Variants in PHACTR1 observed in about 807,000 individuals in gnomAD.
PHACTR1 encodes RPEL repeat containing 1.
PHACTR1 carries 16 observed loss-of-function variants against 69.2 expected under a neutral mutation model. The observed-to-expected ratio is 0.23, with a 90% CI of 0.16 to 0.35. PHACTR1 has a LOEUF of 0.35. Among genes scored for constraint, PHACTR1 ranks in the 10% least tolerant of loss-of-function variants. The pLI, the probability that PHACTR1 is intolerant of heterozygous loss-of-function variation, is 1.00. For synonymous variants in PHACTR1, 312 were observed against 284.5 expected, an observed-to-expected ratio of 1.10 and a Z score of -0.97; for missense variants, 510 against 734.7, an observed-to-expected ratio of 0.69 and a Z score of 3.54.
rs368542461 is a variant in PHACTR1, at chr6:13,212,702, CCATTCTCGCA to C, written c.986+6575_986+6584del. 3.3e-3 allele frequency among the ~76,000 whole-genome samples: 496 copies of C among 152,268 alleles called. 2 individuals are homozygous for C. The highest frequency in any genetic ancestry group is 0.011 in the African/African-American group (464 of 41,554). ...CCTCCCTCACACAGCGGCCTTCCCA[CCATTCTCGCA>C]CATTCTCGGACATTCTCGGACGTGC... On this transcript the variant is annotated intron_variant, in intron 8 of 14. Coordinates refer to ENST00000332995, the MANE Select transcript of PHACTR1 (RefSeq NM_030948.6).
intron 5 of PHACTR1, among the ~76,000 whole-genome samples, chr6:13,120,482 T>C (rs1014443381): frequency 9.3e-4 from 141 of 152,314 alleles, no homozygotes; most frequent in African/African-American, 3.3e-3. Context: ...AGCACGCTGC[T>C]GGCCACTTCT....
At chr6:12,856,032 T>C (rs1023886957) in intron 4 of PHACTR1, among the ~76,000 whole-genome samples, 1 of 152,056 alleles carries the variant, frequency 6.6e-6, no homozygotes, top group South Asian at 2.1e-4. Context: ...TGGAAGAAGA[T>C]TGTGACTAAA....
At chr6:12,755,278 G>A (rs1243095232) in intron 4 of PHACTR1, among the ~76,000 whole-genome samples, 1 of 152,190 alleles carries the variant, frequency 6.6e-6, no homozygotes, top group Non-Finnish European at 1.5e-5. Context: ...AGAGTCAGAA[G>A]AATTTGATTC....
intron 8 of PHACTR1, among the ~76,000 whole-genome samples, chr6:13,225,385 GT>G (rs1328617220): frequency 2.6e-5 from 4 of 152,202 alleles, no homozygotes; most frequent in Non-Finnish European, 4.4e-5. Flanking sequence ...CCAACAGGCA[GT>G]CATTGGCCAC....
chr6:13,109,842 G>A (rs1334582167), intron 5 of PHACTR1, among the ~76,000 whole-genome samples: 1 of 145,708 alleles, frequency 6.9e-6, no homozygotes, highest in East Asian at 2.0e-4. Context: ...GCGTGTGTGT[G>A]TGTGTGTGTG....
rs1454222005 is a variant in PHACTR1, at chr6:13,194,414, A to AG, written c.665-11401_665-11400insG. On this transcript the variant is annotated intron_variant, in intron 7 of 14. Coordinates refer to ENST00000332995, the MANE Select transcript of PHACTR1 (RefSeq NM_030948.6). ...AAGACTCCGTCTCAAAAAAAAAAAA[A>AG]AAAGAAAGAAAGGAAAAAGAAAAGA... Among the ~76,000 whole-genome samples, 11 of 149,264 alleles carry AG rather than the reference A, an allele frequency of 7.4e-5. No homozygotes were observed. In the East Asian group the frequency reaches 8.1e-4, roughly 11 times the overall value.
chr6:13,120,854 G>A (rs984558413), intron 5 of PHACTR1, among the ~76,000 whole-genome samples: 1 of 152,214 alleles, frequency 6.6e-6, no homozygotes, highest in Admixed American at 6.5e-5. Context: ...CTTTTACCCA[G>A]CATTGCAGTG....
intron 7 of PHACTR1, among the ~76,000 whole-genome samples, chr6:13,188,160 T>C (rs902718168): frequency 1.3e-5 from 2 of 152,208 alleles, no homozygotes; most frequent in African/African-American, 4.8e-5. Context: ...CTAATATCCT[T>C]ACTATGTAGT....
In PHACTR1 at chr6:12,918,723, G is replaced by A. The variant is rs1271654020; in HGVS notation, c.251-134642G>A. Among the ~76,000 whole-genome samples, 8 of 152,198 alleles carry A rather than the reference G, an allele frequency of 5.3e-5. No homozygotes were observed. The East Asian group carries it at 9.6e-4, about 18-fold the overall frequency. ...ACTAGCCAGTGCCTAAAACCATTGCGACACATTATAAATCTAAAGATAGAA... is the reference window on the plus strand; with the variant it reads ...ACTAGCCAGTGCCTAAAACCATTGCAACACATTATAAATCTAAAGATAGAA... On this transcript the variant is annotated intron_variant, in intron 4 of 14. Transcript: ENST00000332995.
intron 4 of PHACTR1, among the ~76,000 whole-genome samples, chr6:12,775,265 C>CA (rs143600396): frequency 0.079 from 12,024 of 152,262 alleles, 550 homozygotes; most frequent in Admixed American, 0.11. Flanking sequence ...GTTCTACTCT[C>CA]AAAAATACCC....
chr6:13,237,014 T>C (rs906382505), intron 10 of PHACTR1, among the ~76,000 whole-genome samples: 3 of 152,172 alleles, frequency 2.0e-5, no homozygotes, highest in Non-Finnish European at 2.9e-5. Flanking sequence ...TTTGCAAAAA[T>C]GAAGGACTAG....
intron 3 of PHACTR1, among the ~76,000 whole-genome samples, chr6:12,721,239 A>G (rs1312980999): frequency 6.6e-6 from 1 of 152,076 alleles, no homozygotes; most frequent in Non-Finnish European, 1.5e-5. Flanking sequence ...TACAAAAATT[A>G]GCCAGGCGCA....
At chr6:12,778,539 C>A (rs936267615) in intron 4 of PHACTR1, among the ~76,000 whole-genome samples, 7 of 152,176 alleles carry the variant, frequency 4.6e-5, no homozygotes, top group Non-Finnish European at 8.8e-5. Context: ...CTTGCCTGTA[C>A]TACTTGTTGC....
chr6:12,822,125 A>C (rs1264803872), intron 4 of PHACTR1, among the ~76,000 whole-genome samples: 1 of 152,156 alleles, frequency 6.6e-6, no homozygotes, highest in African/African-American at 2.4e-5. Flanking sequence ...ACAGGTCTGG[A>C]AATATAAGGG....
chr6:13,080,065 T>C (rs1811132638), intron 5 of PHACTR1, among the ~76,000 whole-genome samples: 2 of 152,096 alleles, frequency 1.3e-5, no homozygotes, highest in Non-Finnish European at 2.9e-5. Flanking sequence ...AATTCACCCA[T>C]ACCCAGTTTT....
At chr6:13,087,520 A>T (rs534076210) in intron 5 of PHACTR1, among the ~76,000 whole-genome samples, 6 of 152,282 alleles carry the variant, frequency 3.9e-5, no homozygotes, top group Non-Finnish European at 7.4e-5. Context: ...ATTTATTAAT[A>T]TAACTTACTG....
rs1401675261 is a variant in PHACTR1, at chr6:13,132,732, A to T, written c.416-27472A>T. ...TAATTTAAAAATACCGTATTGCTAA[A>T]AAAAAAAAAAAAGTGAATGATCATC... On this transcript the variant is annotated intron_variant, in intron 5 of 14. Coordinates refer to ENST00000332995, the MANE Select transcript of PHACTR1 (RefSeq NM_030948.6). Among the ~76,000 whole-genome samples the T allele has an allele frequency of 1.5e-3, 229 of 148,854 alleles. 2 individuals carry two copies. The highest frequency in any genetic ancestry group is 9.4e-4 in the Admixed American group (14 of 14,882).
At chr6:12,993,564 ACT>A (rs1243616549) in intron 4 of PHACTR1, among the ~76,000 whole-genome samples, 1 of 152,206 alleles carries the variant, frequency 6.6e-6, no homozygotes, top group Non-Finnish European at 1.5e-5. Context: ...GAGAGCTAAG[ACT>A]CTGATTAAGG....
intron 5 of PHACTR1, among the ~76,000 whole-genome samples, chr6:13,082,692 T>C (rs1811588105): frequency 6.6e-6 from 1 of 152,234 alleles, no homozygotes; most frequent in Non-Finnish European, 1.5e-5. Flanking sequence ...ATTTCTCTGA[T>C]GGCCAGTGAT....
Sources: gnomAD v4.1 joint callset for allele counts (sites outside exome capture counted in the v4.1 genomes callset) on GRCh38, gnomAD v4.1.1 for gene constraint, MANE v1.5 for transcripts, NCBI Gene and HGNC (gene_info 2026-07-23, HGNC 2026-07-21) for gene names.